Variants in SLC26A7 observed in about 807,000 individuals in gnomAD.
SLC26A7 encodes anion exchange transporter.
A neutral mutation model predicts 82.5 loss-of-function variants in SLC26A7; 59 were observed. The observed-to-expected ratio is 0.72, with a 90% CI of 0.58 to 0.89. The LOEUF (loss-of-function observed/expected upper bound fraction) is 0.89, where lower values mean the gene tolerates loss of function less well. Ranked by LOEUF, SLC26A7 falls within the 40% of genes least tolerant of loss-of-function variation. SLC26A7 has a pLI of 0.00. For synonymous variants in SLC26A7, 271 were observed against 274.3 expected (o/e 0.99, Z 0.12); for missense variants, 820 against 793.0 (o/e 1.03, Z -0.41).
At chr8:91,296,671 T>G (rs1018715839) in intron 4 of SLC26A7, among the ~76,000 whole-genome samples, 1 of 152,236 alleles carries the variant, frequency 6.6e-6, no homozygotes, top group Non-Finnish European at 1.5e-5. Flanking sequence ...TAAGAACTCA[T>G]GTCTTCATAG....
At chr8:91,264,642 CCA>C (rs1170219937) in intron 2 of SLC26A7, among the ~76,000 whole-genome samples, 1 of 151,814 alleles carries the variant, frequency 6.6e-6, no homozygotes, top group Non-Finnish European at 1.5e-5. Context: ...CCAGACTAGC[CCA>C]CTCTTGGATT....
chr8:91,236,284 C>A (rs1380842042), intron 2 of SLC26A7, among the ~76,000 whole-genome samples: 1 of 152,152 alleles, frequency 6.6e-6, no homozygotes, highest in South Asian at 2.1e-4. Flanking sequence ...GTATTTCCAG[C>A]TTTGTTCACT....
intron 2 of SLC26A7, among the ~76,000 whole-genome samples, chr8:91,234,825 C>CTCCTTCCT (rs1267737133): frequency 4.6e-5 from 4 of 86,474 alleles, no homozygotes; most frequent in African/African-American, 1.9e-4. Context: ...ACCTACCTAC[C>CTCCTTCCT]TACTTCCTTC....
At chr8:91,291,082 C>T (rs1031551537) in intron 3 of SLC26A7, among the ~76,000 whole-genome samples, 3 of 151,742 alleles carry the variant, frequency 2.0e-5, no homozygotes, top group African/African-American at 4.8e-5. Flanking sequence ...TATTTGTGTA[C>T]GTATATATAT....
chr8:91,293,462 C>A (rs562834467), intron 3 of SLC26A7, among the ~76,000 whole-genome samples: 23 of 152,344 alleles, frequency 1.5e-4, no homozygotes, highest in Non-Finnish European at 2.9e-4. Context: ...GATTGGCCTT[C>A]ATTATCTCAG....
intron 4 of SLC26A7, among the ~76,000 whole-genome samples, chr8:91,313,906 T>C (rs1438540711): frequency 6.6e-6 from 1 of 152,228 alleles, no homozygotes; most frequent in Non-Finnish European, 1.5e-5. Context: ...CTATGTACTC[T>C]TTGTTATTTT....
chr8:91,287,395 G>A (rs557850609), intron 2 of SLC26A7, among the ~76,000 whole-genome samples: 1 of 152,274 alleles, frequency 6.6e-6, no homozygotes, highest in South Asian at 2.1e-4. Context: ...CTATTCATAT[G>A]GTAAGATAAG....
chr8:91,378,664 G>T (rs970802648), intron 15 of SLC26A7, among the ~76,000 whole-genome samples: 1 of 151,736 alleles, frequency 6.6e-6, no homozygotes, highest in South Asian at 2.1e-4. Context: ...TCAGATACCA[G>T]CTAGGAGAGC....
At chr8:91,316,987 C>CAAA (rs1563675867) in intron 4 of SLC26A7, among the ~76,000 whole-genome samples, 2 of 49,458 alleles carry the variant, frequency 4.0e-5, no homozygotes, top group Non-Finnish European at 6.6e-5. Flanking sequence ...GACCCTGTCT[C>CAAA]TAAAAAAAAA....
At chr8:91,359,953 TCATCA>T (rs947678369) in intron 11 of SLC26A7, among the ~76,000 whole-genome samples, 1 of 152,042 alleles carries the variant, frequency 6.6e-6, no homozygotes, top group African/African-American at 2.4e-5. Context: ...ATGTACATAG[TCATCA>T]CATGGAAAAT....
rs954759491 is a variant in SLC26A7, at chr8:91,395,356, A to G, written c.*259A>G. 12 of 701,278 alleles carry G rather than the reference A, an allele frequency of 1.7e-5. No individual in the cohort carries two copies. The highest frequency in any genetic ancestry group is 2.4e-5 in the Non-Finnish European group (12 of 509,516). The allele number at this position is 701,278 out of a possible 1,614,324, so 43.4% of individuals were successfully genotyped here. A position where few individuals can be genotyped will look rare whatever the true frequency, so the allele number is the denominator to read the frequency against. On this transcript the variant is annotated 3_prime_UTR_variant, in exon 19 of 19. Coordinates refer to ENST00000276609, the MANE Select transcript of SLC26A7 (RefSeq NM_052832.4). ...AGTTTTAGTGTACTGAAGGGTAAAC[A>G]TGGTTTTATTTTATTTTACCATATT...
Position 91,364,405 on chromosome 8 carries a change from C to T in SLC26A7, c.1488+867C>T, listed in dbSNP as rs189160254. On this transcript the variant is annotated intron_variant, in intron 13 of 18. Transcript: ENST00000276609. ...AGAAAGTAGCATCAGGAACCCTCTG[C>T]GGCACCCAAGGGAATGGCTTATGTT... Among the ~76,000 whole-genome samples the T allele has an allele frequency of 1.1e-4, 17 of 152,232 alleles. No homozygotes were observed. In the East Asian group the frequency reaches 2.5e-3, roughly 22 times the overall value.
chr8:91,319,996 G>C (rs1812745826), intron 5 of SLC26A7, among the ~76,000 whole-genome samples: 1 of 152,206 alleles, frequency 6.6e-6, no homozygotes, highest in South Asian at 2.1e-4. Context: ...TTTTCATTTT[G>C]TATTTTTGAG....
intron 1 of SLC26A7, among the ~76,000 whole-genome samples, chr8:91,215,239 C>A (rs1810022064): frequency 6.6e-6 from 1 of 152,048 alleles, no homozygotes; most frequent in East Asian, 1.9e-4. Flanking sequence ...CATTATTTTG[C>A]CTACTGAGAT....
intron 16 of SLC26A7, among the ~76,000 whole-genome samples, chr8:91,390,089 T>A (rs898157861): frequency 5.9e-5 from 9 of 151,376 alleles, no homozygotes; most frequent in African/African-American, 2.2e-4. Flanking sequence ...ACTTCTAAGA[T>A]TTTTTTACCT....
chr8:91,275,403 A>T (rs1433829940), intron 2 of SLC26A7, among the ~76,000 whole-genome samples: 1 of 152,090 alleles, frequency 6.6e-6, no homozygotes, highest in Non-Finnish European at 1.5e-5. Flanking sequence ...GTCTCAAATG[A>T]TCCTCCCACT....
chr8:91,275,618 C>T (rs62527429), intron 2 of SLC26A7, among the ~76,000 whole-genome samples: 17,623 of 152,152 alleles, frequency 0.12, 1,394 homozygotes, highest in Non-Finnish European at 0.17. Flanking sequence ...ATTTTAATGA[C>T]GTTTTGCATC....
At chr8:91,240,873 A>G (rs1810463859) in intron 2 of SLC26A7, among the ~76,000 whole-genome samples, 1 of 152,182 alleles carries the variant, frequency 6.6e-6, no homozygotes, top group Non-Finnish European at 1.5e-5. Context: ...TGTGGAAGTC[A>G]ACACACAACA....
At chr8:91,229,642 T>C (rs554432145) in intron 2 of SLC26A7, among the ~76,000 whole-genome samples, 1 of 152,314 alleles carries the variant, frequency 6.6e-6, no homozygotes, top group Admixed American at 6.5e-5. Flanking sequence ...TAAATACTTA[T>C]CTTTTTATCT....
Sources: gnomAD v4.1 joint callset for allele counts (sites outside exome capture counted in the v4.1 genomes callset) on GRCh38, gnomAD v4.1.1 for gene constraint, MANE v1.5 for transcripts, NCBI Gene and HGNC (gene_info 2026-07-23, HGNC 2026-07-21) for gene names.